MMP16: variants seen among roughly 807,000 people sequenced by gnomAD.
MMP16 encodes matrix metalloproteinase-16.
Under a neutral mutation model 67.8 loss-of-function variants are expected in MMP16, and 12 were observed. The observed-to-expected ratio is 0.18, with a 90% CI of 0.11 to 0.29. MMP16 has a LOEUF of 0.29. MMP16 is among the 10% of genes least tolerant of loss of function. MMP16 has a pLI of 1.00. For missense variants in MMP16, 475 were observed against 765.7 expected (o/e 0.62, Z 4.48); for synonymous variants, 249 against 255.9 (o/e 0.97, Z 0.26).
chr8:88,285,656 A>G (rs1456245247), intron 1 of MMP16, among the ~76,000 whole-genome samples: 1 of 152,086 alleles, frequency 6.6e-6, no homozygotes, highest in African/African-American at 2.4e-5. Flanking sequence ...TCTTGTCTCT[A>G]TTTATATATT....
intron 1 of MMP16, among the ~76,000 whole-genome samples, chr8:88,199,081 A>T (rs1324330542): frequency 6.6e-6 from 1 of 152,052 alleles, no homozygotes; most frequent in Non-Finnish European, 1.5e-5. Context: ...CTTTTTCCAT[A>T]ACACTTTGTT....
At chr8:88,048,411 T>C (rs1808225707) in intron 8 of MMP16, among the ~76,000 whole-genome samples, 1 of 146,756 alleles carries the variant, frequency 6.8e-6, no homozygotes, top group South Asian at 2.1e-4. Context: ...ATTTTAGGAG[T>C]AAAATAAGTT....
intron 6 of MMP16, among the ~76,000 whole-genome samples, chr8:88,082,257 AC>A (rs1808763396): frequency 6.6e-6 from 1 of 152,224 alleles, no homozygotes; most frequent in Non-Finnish European, 1.5e-5. Context: ...GATATACCAT[AC>A]ATTATCAGAT....
intron 2 of MMP16, among the ~76,000 whole-genome samples, chr8:88,196,601 T>C (rs11991145): frequency 0.034 from 5,119 of 152,216 alleles, 274 homozygotes; most frequent in African/African-American, 0.12. Context: ...TAACAAGAAA[T>C]TGAAAGAAGT....
chr8:88,273,248 C>CTT (rs575063640), intron 1 of MMP16, among the ~76,000 whole-genome samples: 58,176 of 131,894 alleles, frequency 0.44, 14,219 homozygotes, highest in Non-Finnish European at 0.56. Context: ...CCATGCCTGG[C>CTT]TTTTTTTTTT....
Position 88,099,513 on chromosome 8 carries a change from C to T in MMP16, c.1083+16994G>A, listed in dbSNP as rs896640075. Among the ~76,000 whole-genome samples the T allele has an allele frequency of 4.0e-5, 6 of 151,862 alleles. No homozygotes were observed. In the East Asian group the frequency reaches 9.8e-4, roughly 25 times the overall value. On this transcript the variant is annotated intron_variant, in intron 6 of 9. Coordinates refer to ENST00000286614, the MANE Select transcript of MMP16 (RefSeq NM_005941.5). ...CAGCTATTTTGAAACATTTAAAATG[C>T]TTTAAATATCTTGCCTCATGATGAG... is the stretch of plus-strand genomic sequence containing the variant.
chr8:88,156,500 A>G (rs1444572839), intron 4 of MMP16, among the ~76,000 whole-genome samples: 1 of 152,118 alleles, frequency 6.6e-6, no homozygotes, highest in East Asian at 1.9e-4. Flanking sequence ...ACTAAAGAAG[A>G]GAGTTATAAA....
rs908728377 is a variant in MMP16 at position 88,036,863 on chromosome 8, C to T, written c.*4598G>A. The T allele has an allele frequency of 6.6e-6, 1 of 151,654 alleles. No homozygotes were observed. The highest frequency in any genetic ancestry group is 1.5e-5 in the Non-Finnish European group (1 of 67,754). The allele number at this position is 151,654 out of a possible 1,614,324, so 9.4% of individuals were successfully genotyped here. A position where few individuals can be genotyped will look rare whatever the true frequency, so the allele number is the denominator to read the frequency against. On this transcript the variant is annotated 3_prime_UTR_variant, in exon 10 of 10. Coordinates refer to ENST00000286614, the MANE Select transcript of MMP16 (RefSeq NM_005941.5). ...GTGTTTGCTAAAAAAGACCTTACCA[C>T]CATCCAGAAGATTGTTTCAGTATAT...
intron 1 of MMP16, among the ~76,000 whole-genome samples, chr8:88,268,878 T>C (rs528703035): frequency 6.6e-6 from 1 of 152,276 alleles, no homozygotes; most frequent in South Asian, 2.1e-4. Context: ...CCATTCCCAG[T>C]GTGTTTGTTG....
At chr8:88,089,125 T>G (rs1320590387) in intron 6 of MMP16, among the ~76,000 whole-genome samples, 2 of 152,050 alleles carry the variant, frequency 1.3e-5, no homozygotes, top group African/African-American at 4.8e-5. Context: ...TAGTACCAGG[T>G]GTCATTTTGG....
intron 1 of MMP16, among the ~76,000 whole-genome samples, chr8:88,318,270 A>C (rs1170574358): frequency 6.6e-6 from 1 of 152,220 alleles, no homozygotes; most frequent in African/African-American, 2.4e-5. Flanking sequence ...AAAATACTAC[A>C]ATTTAATATT....
At chr8:88,146,938 A>G (rs1009410249) in intron 4 of MMP16, among the ~76,000 whole-genome samples, 1 of 151,986 alleles carries the variant, frequency 6.6e-6, no homozygotes, top group African/African-American at 2.4e-5. Context: ...AGCAGGTATA[A>G]ATGTTCTTGC....
chr8:88,169,125 A>G (rs1218653207), intron 3 of MMP16, among the ~76,000 whole-genome samples: 1 of 152,214 alleles, frequency 6.6e-6, no homozygotes, highest in Non-Finnish European at 1.5e-5. Context: ...AGTGATGGTT[A>G]AATTATGGCA....
intron 8 of MMP16, among the ~76,000 whole-genome samples, chr8:88,055,364 C>A (rs1004049789): frequency 6.6e-6 from 1 of 152,060 alleles, no homozygotes; most frequent in African/African-American, 2.4e-5. Flanking sequence ...TGTGCCAAAA[C>A]GCCTGGCTAA....
rs566918681 is a variant in MMP16 at position 88,315,298 on chromosome 8, G to C, written c.132+11777C>G. Reference sequence around the variant, plus strand: ...TTTGGTAATTCTCACAATATTTCAAGCTTTTTCATTAGATGATATCTGTTA... The same window carrying C: ...TTTGGTAATTCTCACAATATTTCAACCTTTTTCATTAGATGATATCTGTTA... On this transcript the variant is annotated intron_variant, in intron 1 of 9. Coordinates refer to ENST00000286614, the MANE Select transcript of MMP16 (RefSeq NM_005941.5). 1.8e-4 allele frequency among the ~76,000 whole-genome samples: 27 copies of C among 152,156 alleles called. 1 individual carries two copies. The South Asian group carries it at 4.8e-3, about 27-fold the overall frequency.
At chr8:88,263,983 A>AGTGT (rs768350464) in intron 1 of MMP16, among the ~76,000 whole-genome samples, 10 of 101,234 alleles carry the variant, frequency 9.9e-5, no homozygotes, top group East Asian at 4.1e-4. Context: ...AAAGAGAGAG[A>AGTGT]GAGAGTGTGT....
At chr8:88,161,446 T>C (rs2129682981) in intron 4 of MMP16, among the ~76,000 whole-genome samples, 1 of 152,252 alleles carries the variant, frequency 6.6e-6, no homozygotes, top group South Asian at 2.1e-4. Context: ...TCTTTTCTTC[T>C]TTATTAGTCT....
At chr8:88,115,793 A>AT (rs1331340138) in intron 6 of MMP16, among the ~76,000 whole-genome samples, 1 of 151,954 alleles carries the variant, frequency 6.6e-6, no homozygotes, top group Non-Finnish European at 1.5e-5. Context: ...GGGGAAAACT[A>AT]TTTTTCAGTA....
At chr8:88,149,333 G>C (rs1808357491) in intron 4 of MMP16, among the ~76,000 whole-genome samples, 1 of 152,192 alleles carries the variant, frequency 6.6e-6, no homozygotes, top group African/African-American at 2.4e-5. Context: ...AAGCAGCCGG[G>C]AACCTCGAAC....
Sources: gnomAD v4.1 joint callset for allele counts (sites outside exome capture counted in the v4.1 genomes callset) on GRCh38, gnomAD v4.1.1 for gene constraint, MANE v1.5 for transcripts, NCBI Gene and HGNC (gene_info 2026-07-23, HGNC 2026-07-21) for gene names.